The following RNASEH2C variants were observed in gnomAD, a reference collection of about 807,000 sequenced individuals.
RNASEH2C encodes RNase H1 small subunit.
In RNASEH2C, 20 loss-of-function variants were observed where a neutral mutation model predicts 16.3. That is an observed-to-expected ratio of 1.23 (90% CI 0.86 to 1.79). The LOEUF is 1.79. RNASEH2C is among the 40% of genes most tolerant of loss of function. RNASEH2C has a pLI of 0.00. For synonymous variants in RNASEH2C, 106 were observed against 98.9 expected, an observed-to-expected ratio of 1.07 and a Z score of -0.43; for missense variants, 296 against 235.9, an observed-to-expected ratio of 1.25 and a Z score of -1.67.
chr11:65,719,064 A>C lies in RNASEH2C; in HGVS notation c.*719T>G, dbSNP rs886048492. ...CTGCCCAGGGCCAGTACATCCTCAC[A>C]CTGTCAGAGGACATCGTGGATGGCC... On this transcript the variant is annotated 3_prime_UTR_variant, in exon 4 of 4. Coordinates refer to ENST00000308418, the MANE Select transcript of RNASEH2C (RefSeq NM_032193.4). The C allele has an allele frequency of 6.2e-7, 1 of 1,614,050 alleles. No individual in the cohort carries two copies. The highest frequency in any genetic ancestry group is 8.5e-7 in the Non-Finnish European group (1 of 1,180,026).
chr11:65,719,928 G>A, intron 3 of RNASEH2C, 117 bp downstream of exon 3: 2 of 1,600,334 alleles, frequency 1.2e-6, no homozygotes, highest in Non-Finnish European at 1.7e-6. Context: ...TAGGAAGAGT[G>A]GTCAGGGAGC....
intron 3 of RNASEH2C, 32 bp from the exon 4 acceptor site, chr11:65,719,841 T>C (rs754078641): frequency 1.2e-6 from 2 of 1,613,962 alleles, no homozygotes; most frequent in Admixed American, 3.3e-5. Context: ...CTGTTGGACT[T>C]GTAAGACAGG....
chr11:65,720,729 C>G lies in RNASEH2C; in HGVS notation c.30G>C (p.Glu10Asp). 1 of 1,597,416 alleles carries G rather than the reference C, an allele frequency of 6.3e-7. No individual in the cohort carries two copies. The highest frequency in any genetic ancestry group is 8.5e-7 in the Non-Finnish European group (1 of 1,176,006). ...CGGAGCGCAAGTGGACGCGGTGCCT[C>G]TCGATGGCCGCTTCGTCGCCGCTCT... MESGDEAAI[E>D]RHRVHLRSAT... The change falls in exon 1 of 4, where the codon GAG becomes GAC. Residue 10 changes from glutamate to aspartate, a missense_variant. By Grantham distance (45) the Glu-to-Asp change is conservative (BLOSUM62 2). Coordinates refer to ENST00000308418, the MANE Select transcript of RNASEH2C (RefSeq NM_032193.4).
In RNASEH2C at chr11:65,719,522, G is replaced by C. The variant is rs1857325777; in HGVS notation, c.*261C>G. The C allele has an allele frequency of 9.8e-6, 6 of 613,340 alleles. No individual in the cohort carries two copies. The South Asian group carries it at 1.0e-4, about 10-fold the overall frequency. 38.0% of individuals were successfully genotyped at this position (613,340 alleles called of 1,614,324 possible). A position where few individuals can be genotyped will look rare whatever the true frequency, so the allele number is the denominator to read the frequency against. ...AATTTCTTTTGTAAAGTAGAAGTTGGGGGTGGGGTGGGTGCTGGCTGCAAA... is the reference window on the plus strand; with the variant it reads ...AATTTCTTTTGTAAAGTAGAAGTTGCGGGTGGGGTGGGTGCTGGCTGCAAA... On this transcript the variant is annotated 3_prime_UTR_variant, in exon 4 of 4. Transcript: ENST00000308418.
At position 65,719,734 on chromosome 11, in the gene RNASEH2C, G is replaced by A. The variant is rs1301507754; in HGVS notation, c.*49C>T. The A allele has an allele frequency of 1.2e-6, 2 of 1,603,150 alleles. No individual in the cohort carries two copies. Among genetic ancestry groups the A allele is most frequent in the East Asian group, 2.2e-5 (1 of 44,816 alleles). On this transcript the variant is annotated 3_prime_UTR_variant, in exon 4 of 4. Transcript: ENST00000308418. ...GTGATGGAATCGGTTCCAAAGAGCT[G>A]GTTTACTGCTGTGAAGGGATCGCAG...
Position 65,720,679 on chromosome 11 carries a change from G to T in RNASEH2C, c.80C>A (p.Ala27Asp). 1 of 1,588,260 alleles carries T rather than the reference G, an allele frequency of 6.3e-7. No homozygotes were observed. ...RSATLRDAVPATLHLLPCEVA... is the reference protein window; with the variant it reads ...RSATLRDAVPDTLHLLPCEVA... ...CTCGCAGGGCAGCAGATGCAGTGTG[G>T]CGGGTACGGCGTCGCGCAATGTGGC... Residue 27 changes from alanine (A) to aspartate (D), a missense_variant, in exon 1 of 4, where the codon GCC (alanine) becomes GAC (aspartate). By Grantham distance (126) the Ala-to-Asp change is moderately radical. Coordinates refer to ENST00000308418, the MANE Select transcript of RNASEH2C (RefSeq NM_032193.4).
chr11:65,720,073 G>T lies in RNASEH2C; in HGVS notation c.440C>A (p.Ala147Asp). The change falls in exon 3 of 4, where the codon GCC becomes GAC. Residue 147 changes from alanine (A) to aspartate (D), a missense_variant. Ala to Asp is a moderately radical substitution (Grantham distance 126). Coordinates refer to ENST00000308418, the MANE Select transcript of RNASEH2C (RefSeq NM_032193.4). ...IPGPDAKVRG[A>D]LTWPSLAAAI... is the part of the protein sequence containing the mutation. ...TGCCGCAAGGCTGGGCCAAGTTAAG[G>T]CCCCACGCACTTTGGCATCCGGGCC... 1 of 1,614,016 alleles carries T rather than the reference G, an allele frequency of 6.2e-7. No homozygotes were observed. Among genetic ancestry groups the T allele is most frequent in the Non-Finnish European group, 8.5e-7 (1 of 1,180,048 alleles).
rs1857322251 is a variant in RNASEH2C at position 65,719,427 on chromosome 11, C to G, written c.*356G>C. 1 of 605,970 alleles carries G rather than the reference C, an allele frequency of 1.7e-6. No individual in the cohort carries two copies. Among genetic ancestry groups the G allele is most frequent in the African/African-American group, 1.9e-5 (1 of 54,026 alleles). The allele number at this position is 605,970 out of a possible 1,614,324, so 37.5% of individuals were successfully genotyped here. The stretch of plus-strand genomic sequence containing the variant: ...CCTCTGAAGCAGGGACCAGAGGGAG[C>G]CAGGCAGCTGTGTACAGTGAGAAGG... On this transcript the variant is annotated 3_prime_UTR_variant, in exon 4 of 4. Coordinates refer to ENST00000308418, the MANE Select transcript of RNASEH2C (RefSeq NM_032193.4).
Position 65,720,694 on chromosome 11 carries a change from C to A in RNASEH2C, c.65G>T (p.Arg22Leu). ...HRVHLRSATLRDAVPATLHLL... is the reference protein window; with the variant it reads ...HRVHLRSATLLDAVPATLHLL... Reference sequence around the variant, plus strand: ...ATGCAGTGTGGCGGGTACGGCGTCGCGCAATGTGGCGGAGCGCAAGTGGAC... The same window carrying A: ...ATGCAGTGTGGCGGGTACGGCGTCGAGCAATGTGGCGGAGCGCAAGTGGAC... Residue 22 changes from arginine to leucine, a missense_variant, in exon 1 of 4, where the codon CGC (arginine) becomes CTC (leucine). Coordinates refer to ENST00000308418, the MANE Select transcript of RNASEH2C (RefSeq NM_032193.4). 1 of 1,590,336 alleles carries A rather than the reference C, an allele frequency of 6.3e-7. No individual in the cohort carries two copies. Among genetic ancestry groups the A allele is most frequent in the South Asian group, 1.1e-5 (1 of 88,680 alleles).
In RNASEH2C at chr11:65,720,178, C is replaced by G; in HGVS notation, c.349-14G>C. The G allele has an allele frequency of 6.2e-7, 1 of 1,614,258 alleles. No homozygotes were observed. Among genetic ancestry groups the G allele is most frequent in the Non-Finnish European group, 8.5e-7 (1 of 1,180,046 alleles). ...AATGAAGCGGTCCTGGGGAAGGGGC[C>G]TGGCTCAGCATCGGGACTACAGCTC... On this transcript the variant is annotated splice_polypyrimidine_tract_variant and intron_variant, in intron 2 of 3. Transcript: ENST00000308418.
rs150212692 is a variant in RNASEH2C, at chr11:65,718,711, G to A, written c.*1072C>T. The A allele has an allele frequency of 2.8e-5, 45 of 1,614,090 alleles. No homozygotes were observed. The highest frequency in any genetic ancestry group is 3.6e-5 in the Non-Finnish European group (43 of 1,180,038). On this transcript the variant is annotated 3_prime_UTR_variant, in exon 4 of 4. Transcript: ENST00000308418. ...CCATCCTGGAGATCCTGATGGGGCT[G>A]AAGTCGGAGAGCGGGGAGAGGCCAC...
At position 65,720,627 on chromosome 11, in the gene RNASEH2C, C is replaced by T. The variant is rs1167660893; in HGVS notation, c.132G>A (p.Val44=). ...CEVAVDGPAP[V]GRFFTPAIRQ... ...GGATGGCGGGCGTGAAGAAGCGCCC[C>T]ACCGGGGCGGGCCCGTCCACCGCAA... The change falls in exon 1 of 4, where the codon GTG becomes GTA. Residue 44 remains valine, a synonymous_variant. Coordinates refer to ENST00000308418, the MANE Select transcript of RNASEH2C (RefSeq NM_032193.4). The T allele has an allele frequency of 9.0e-6, 14 of 1,554,512 alleles. No homozygotes were observed. The highest frequency in any genetic ancestry group is 5.6e-5 in the Admixed American group (3 of 53,258).
chr11:65,718,395 G>A lies in RNASEH2C; in HGVS notation c.*1388C>T. On this transcript the variant is annotated 3_prime_UTR_variant, in exon 4 of 4. Transcript: ENST00000308418. ...TCAGTGCCCTCATGCCCTCCACTGT[G>A]CTCAGCGCACGGAAAGAGTGAATAC... The A allele has an allele frequency of 1.6e-6, 1 of 613,004 alleles. No homozygotes were observed. The highest frequency in any genetic ancestry group is 2.7e-5 in the East Asian group (1 of 37,234). The allele number at this position is 613,004 out of a possible 1,614,324, so 38.0% of individuals were successfully genotyped here.
chr11:65,719,871 A>G, intron 3 of RNASEH2C, 62 bp from the exon 4 acceptor site: 3 of 1,609,084 alleles, frequency 1.9e-6, no homozygotes, highest in Non-Finnish European at 2.6e-6. Context: ...TGGCCCCCAT[A>G]CCCGAGGAAG....
Position 65,718,352 on chromosome 11 carries a change from T to C in RNASEH2C, c.*1431A>G. ...ACTGGCCTCTGATCACCCTCATGGTTGACTGCAGCTGCTCCTCTCAGTGCC... is the reference window on the plus strand; with the variant it reads ...ACTGGCCTCTGATCACCCTCATGGTCGACTGCAGCTGCTCCTCTCAGTGCC... On this transcript the variant is annotated 3_prime_UTR_variant, in exon 4 of 4. Transcript: ENST00000308418. 2.1e-6 allele frequency: 1 copy of C among 481,608 alleles called. No homozygotes were observed. The highest frequency in any genetic ancestry group is 3.7e-6 in the Non-Finnish European group (1 of 267,736). The allele number at this position is 481,608 out of a possible 1,614,324, so 29.8% of individuals were successfully genotyped here.
At position 65,719,399 on chromosome 11, in the gene RNASEH2C, C is replaced by T; in HGVS notation, c.*384G>A. Reference sequence around the variant, plus strand: ...AAGGTCAGCTGGCCACAGGCCCAGGCCTCCTCTGAAGCAGGGACCAGAGGG... The same window carrying T: ...AAGGTCAGCTGGCCACAGGCCCAGGTCTCCTCTGAAGCAGGGACCAGAGGG... On this transcript the variant is annotated 3_prime_UTR_variant, in exon 4 of 4. Coordinates refer to ENST00000308418, the MANE Select transcript of RNASEH2C (RefSeq NM_032193.4). 1.6e-6 allele frequency: 1 copy of T among 627,928 alleles called. No individual in the cohort carries two copies. The highest frequency in any genetic ancestry group is 2.8e-6 in the Non-Finnish European group (1 of 362,554). The allele number at this position is 627,928 out of a possible 1,614,324, so 38.9% of individuals were successfully genotyped here. A position where few individuals can be genotyped will look rare whatever the true frequency, so the allele number is the denominator to read the frequency against.
chr11:65,720,738 C>T lies in RNASEH2C; in HGVS notation c.21G>A (p.Ala7=), dbSNP rs752906159. ...AGTGGACGCGGTGCCTCTCGATGGC[C>T]GCTTCGTCGCCGCTCTCCATCCTCC... MESGDE[A]AIERHRVHLR... Residue 7 remains alanine (A), a synonymous_variant, in exon 1 of 4, where the codon GCG becomes GCA. Transcript: ENST00000308418. 2.5e-6 allele frequency: 4 copies of T among 1,594,830 alleles called. No individual in the cohort carries two copies. The highest frequency in any genetic ancestry group is 2.3e-5 in the East Asian group (1 of 44,028).
Position 65,719,329 on chromosome 11 carries a change from ACTGGTGCCCAGCAC to A in RNASEH2C, c.*440_*453del. 8 of 992,460 alleles carry A rather than the reference ACTGGTGCCCAGCAC, an allele frequency of 8.1e-6. No homozygotes were observed. The highest frequency in any genetic ancestry group is 1.2e-5 in the Non-Finnish European group (8 of 692,204). The allele number at this position is 992,460 out of a possible 1,614,324, so 61.5% of individuals were successfully genotyped here. A position where few individuals can be genotyped will look rare whatever the true frequency, so the allele number is the denominator to read the frequency against. ...GAGAGGACAGGCCTGGCAGGGGCCC[ACTGGTGCCCAGCAC>A]CAAGGCGAGCTCCGGGCTCAGACCA... On this transcript the variant is annotated 3_prime_UTR_variant, in exon 4 of 4. Transcript: ENST00000308418.
Position 65,720,737 on chromosome 11 carries a change from C to A in RNASEH2C, c.22G>T (p.Ala8Ser). 6.3e-7 allele frequency: 1 copy of A among 1,595,188 alleles called. No homozygotes were observed. Residue 8 changes from alanine to serine, a missense_variant, in exon 1 of 4, where the codon GCC becomes TCC. Physicochemically the swap from Ala to Ser is moderately conservative, Grantham distance 99. Transcript: ENST00000308418. ...AAGTGGACGCGGTGCCTCTCGATGG[C>A]CGCTTCGTCGCCGCTCTCCATCCTC... MESGDEA[A>S]IERHRVHLRS...
Sources: allele counts gnomAD v4.1 joint callset, GRCh38; gene constraint gnomAD v4.1.1; transcripts MANE v1.5; gene names NCBI Gene and HGNC (gene_info 2026-07-23, HGNC 2026-07-21).